The following CNTN5 variants were observed in gnomAD, a reference collection of about 807,000 sequenced individuals.
CNTN5 encodes the protein contactin 5, also known as contactin-5.
In CNTN5, 77 loss-of-function variants were observed where a neutral mutation model predicts 129.1. The observed-to-expected ratio is 0.60, with a 90% confidence interval of 0.50 to 0.72. The LOEUF (loss-of-function observed/expected upper bound fraction) is 0.72, where lower values mean the gene tolerates loss of function less well. Ranked by LOEUF, CNTN5 falls within the 30% of genes least tolerant of loss-of-function variation. The pLI, the probability that CNTN5 is intolerant of heterozygous loss-of-function variation, is 0.00. For missense variants in CNTN5, 1,478 were observed against 1,328.8 expected, an observed-to-expected ratio of 1.11 and a Z score of -1.75; for synonymous variants, 509 against 465.6, an observed-to-expected ratio of 1.09 and a Z score of -1.20.
chr11:100,143,232 C>T (rs1457401140), intron 13 of CNTN5, among the ~76,000 whole-genome samples: 1 of 152,066 alleles, frequency 6.6e-6, no homozygotes, highest in African/African-American at 2.4e-5. Context: ...GTATCTGTAA[C>T]ATTGAACCAA....
intron 3 of CNTN5, among the ~76,000 whole-genome samples, chr11:99,570,570 A>T (rs1949144741): frequency 6.6e-6 from 1 of 152,188 alleles, no homozygotes; most frequent in Non-Finnish European, 1.5e-5. Flanking sequence ...CTTTTAGTAT[A>T]ATTCATTTGT....
At chr11:99,063,370 A>T (rs1377284857) in intron 1 of CNTN5, among the ~76,000 whole-genome samples, 1 of 152,124 alleles carries the variant, frequency 6.6e-6, no homozygotes, top group East Asian at 1.9e-4. Flanking sequence ...AACCAGGATG[A>T]AATAAGAGCT....
intron 6 of CNTN5, among the ~76,000 whole-genome samples, chr11:99,892,670 C>T (rs1000280289): frequency 6.6e-5 from 10 of 152,076 alleles, no homozygotes; most frequent in South Asian, 4.1e-4. Context: ...GCCTCTGTTC[C>T]GTTCCATTGG....
intron 7 of CNTN5, among the ~76,000 whole-genome samples, chr11:99,945,924 A>G (rs1050382636): frequency 6.6e-6 from 1 of 151,664 alleles, no homozygotes; most frequent in African/African-American, 2.4e-5. Flanking sequence ...TAAGCTTTTT[A>G]TTTTTTCACT....
At chr11:99,156,571 A>C (rs2135502124) in intron 1 of CNTN5, among the ~76,000 whole-genome samples, 1 of 152,168 alleles carries the variant, frequency 6.6e-6, no homozygotes, top group Admixed American at 6.5e-5. Context: ...CTACAAAATT[A>C]ATTGTGCTTA....
chr11:100,131,504 T>C (rs1394976065), intron 13 of CNTN5, among the ~76,000 whole-genome samples: 5 of 152,068 alleles, frequency 3.3e-5, no homozygotes, highest in African/African-American at 1.2e-4. Context: ...CAAATGGCTA[T>C]GTTTGGGGGG....
At chr11:99,543,259 G>A (rs1948173660) in intron 2 of CNTN5, among the ~76,000 whole-genome samples, 1 of 152,130 alleles carries the variant, frequency 6.6e-6, no homozygotes, top group African/African-American at 2.4e-5. Context: ...ATGAACAATA[G>A]CACAAGAATA....
intron 3 of CNTN5, among the ~76,000 whole-genome samples, chr11:99,749,873 T>C (rs1455854159): frequency 6.6e-6 from 1 of 152,294 alleles, no homozygotes. Flanking sequence ...ATAACTATGC[T>C]TTGGCCACGG....
intron 3 of CNTN5, among the ~76,000 whole-genome samples, chr11:99,599,429 T>C (rs1393548672): frequency 6.6e-6 from 1 of 152,202 alleles, no homozygotes; most frequent in Non-Finnish European, 1.5e-5. Context: ...ATATTATATC[T>C]GTAAGATTTT....
At chr11:100,140,679 G>A (rs1235998309) in intron 13 of CNTN5, among the ~76,000 whole-genome samples, 2 of 152,114 alleles carry the variant, frequency 1.3e-5, no homozygotes, top group Non-Finnish European at 1.5e-5. Context: ...AAACTGAGAA[G>A]CCAGAGAAGT....
intron 6 of CNTN5, among the ~76,000 whole-genome samples, chr11:99,846,417 A>T (rs1181231058): frequency 2.0e-5 from 3 of 151,536 alleles, no homozygotes; most frequent in African/African-American, 7.3e-5. Flanking sequence ...TATGTTCTTA[A>T]AAACTCTTGA....
chr11:99,736,845 C>T (rs952194497), intron 3 of CNTN5, among the ~76,000 whole-genome samples: 4 of 151,852 alleles, frequency 2.6e-5, no homozygotes, highest in Non-Finnish European at 4.4e-5. Flanking sequence ...AAAATATAGC[C>T]TTGTATACAG....
chr11:99,322,226 G>A (rs903118377), intron 1 of CNTN5, among the ~76,000 whole-genome samples: 2 of 152,082 alleles, frequency 1.3e-5, no homozygotes, highest in African/African-American at 2.4e-5. Context: ...CTTGCAGTCG[G>A]CGGCCTTACT....
At chr11:99,756,218 G>A (rs1438558921) in intron 3 of CNTN5, among the ~76,000 whole-genome samples, 1 of 152,038 alleles carries the variant, frequency 6.6e-6, no homozygotes, top group African/African-American at 2.4e-5. Flanking sequence ...TCTAAGAACA[G>A]CAGAATAGAC....
intron 6 of CNTN5, among the ~76,000 whole-genome samples, chr11:99,872,504 A>G (rs1948528376): frequency 6.6e-6 from 1 of 152,152 alleles, no homozygotes; most frequent in Non-Finnish European, 1.5e-5. Flanking sequence ...AGTTGGCTAA[A>G]CAAGTATAAG....
At chr11:99,458,094 A>G (rs2135221623) in intron 2 of CNTN5, among the ~76,000 whole-genome samples, 1 of 152,102 alleles carries the variant, frequency 6.6e-6, no homozygotes, top group Non-Finnish European at 1.5e-5. Flanking sequence ...AATTAATAAC[A>G]AAGTATTATT....
chr11:99,322,394 A>T (rs925272047), intron 1 of CNTN5, among the ~76,000 whole-genome samples: 1 of 152,164 alleles, frequency 6.6e-6, no homozygotes, highest in Non-Finnish European at 1.5e-5. Flanking sequence ...AAGTAGAAAG[A>T]ACACAAAAAA....
chr11:100,039,681 T>A (rs11222478), intron 9 of CNTN5, among the ~76,000 whole-genome samples: 8,387 of 152,244 alleles, frequency 0.055, 383 homozygotes, highest in East Asian at 0.17. Flanking sequence ...TTTGTTCTTT[T>A]TTCTCTAAAC....
chr11:99,567,933 G>T (rs1163230793), intron 3 of CNTN5, among the ~76,000 whole-genome samples: 1 of 151,966 alleles, frequency 6.6e-6, no homozygotes, highest in Admixed American at 6.6e-5. Flanking sequence ...AATGTTAAAA[G>T]GTTTCTATAA....
Sources: allele counts gnomAD v4.1 joint callset (sites outside exome capture counted in the v4.1 genomes callset), GRCh38; gene constraint gnomAD v4.1.1; transcripts MANE v1.5; gene names NCBI Gene and HGNC (gene_info 2026-07-23, HGNC 2026-07-21).